The following DGKI variants were observed in gnomAD, a reference collection of about 807,000 sequenced individuals.
DGKI encodes diacylglycerol kinase iota, also known as DAG kinase iota.
DGKI carries 55 observed loss-of-function variants against 147.5 expected under a neutral mutation model. The observed-to-expected ratio is 0.37, with a 90% CI of 0.30 to 0.47. The LOEUF (loss-of-function observed/expected upper bound fraction) is 0.47, where lower values mean the gene tolerates loss of function less well. Among genes scored for constraint, DGKI ranks in the 20% least tolerant of loss-of-function variants. The pLI is 1.00. For synonymous variants in DGKI, 469 were observed against 477.1 expected, an observed-to-expected ratio of 0.98 and a Z score of 0.22; for missense variants, 1,007 against 1,323.8, an observed-to-expected ratio of 0.76 and a Z score of 3.71.
intron 1 of DGKI, among the ~76,000 whole-genome samples, chr7:137,705,860 T>C (rs1585391438): frequency 6.6e-6 from 1 of 152,170 alleles, no homozygotes; most frequent in East Asian, 1.9e-4. Context: ...TGAAATTAAA[T>C]ATGGAACATG....
In DGKI at chr7:137,638,555, T is replaced by C. The variant is rs1399807540; in HGVS notation, c.804+6917A>G. Among the ~76,000 whole-genome samples, 243 of 102,412 alleles carry C rather than the reference T, an allele frequency of 2.4e-3. 5 individuals are homozygous for C. Among genetic ancestry groups the C allele is most frequent in the African/African-American group, 7.3e-3 (176 of 24,164 alleles). The allele number at this position is 102,412 out of a possible 152,430, so 67.2% of individuals were successfully genotyped here. Reference sequence around the variant, plus strand: ...ACACATATATGTATATATATGTGTGTATATATATACACACATATATGTATA... The same window carrying C: ...ACACATATATGTATATATATGTGTGCATATATATACACACATATATGTATA... On this transcript the variant is annotated intron_variant, in intron 6 of 32. Coordinates refer to ENST00000614521, the MANE Select transcript of DGKI (RefSeq NM_001321708.2).
chr7:137,724,052 C>A (rs1437659171), intron 1 of DGKI, among the ~76,000 whole-genome samples: 2 of 145,702 alleles, frequency 1.4e-5, no homozygotes, highest in African/African-American at 5.6e-5. Flanking sequence ...TCTGAGCAGA[C>A]CCCTACATTA....
chr7:137,672,341 T>A (rs1276332947), intron 3 of DGKI, among the ~76,000 whole-genome samples: 1 of 152,212 alleles, frequency 6.6e-6, no homozygotes, highest in Non-Finnish European at 1.5e-5. Flanking sequence ...CTCTTCTTTA[T>A]CTTTAGGTAG....
At chr7:137,828,236 A>G (rs1745818446) in intron 1 of DGKI, among the ~76,000 whole-genome samples, 1 of 152,250 alleles carries the variant, frequency 6.6e-6, no homozygotes, top group African/African-American at 2.4e-5. Context: ...GTTATAAGCA[A>G]CTTGAAACAA....
At chr7:137,573,508 G>A (rs1466492225) in intron 17 of DGKI, among the ~76,000 whole-genome samples, 3 of 152,126 alleles carry the variant, frequency 2.0e-5, no homozygotes, top group South Asian at 2.1e-4. Flanking sequence ...AGGTTCAAGC[G>A]ATTCTCCTGC....
chr7:137,778,755 C>T (rs968410565), intron 1 of DGKI, among the ~76,000 whole-genome samples: 3 of 152,132 alleles, frequency 2.0e-5, no homozygotes, highest in African/African-American at 7.2e-5. Context: ...GCTGGGGTTG[C>T]AGAAAGCCTC....
intron 1 of DGKI, among the ~76,000 whole-genome samples, chr7:137,691,231 C>T (rs1411082365): frequency 6.6e-6 from 1 of 152,160 alleles, no homozygotes; most frequent in African/African-American, 2.4e-5. Context: ...GCTGGGACCA[C>T]AACTTTCCAA....
intron 28 of DGKI, among the ~76,000 whole-genome samples, chr7:137,435,893 C>T (rs543135020): frequency 6.6e-6 from 1 of 152,276 alleles, no homozygotes; most frequent in African/African-American, 2.4e-5. Context: ...GCTTCTCTTC[C>T]CTCAGCCTTC....
chr7:137,835,029 T>C (rs1255011569), intron 1 of DGKI, among the ~76,000 whole-genome samples: 5 of 152,248 alleles, frequency 3.3e-5, no homozygotes, highest in South Asian at 2.1e-4. Flanking sequence ...CCGTATTTTC[T>C]ATCTTCATTT....
chr7:137,500,330 G>A (rs1004116473), intron 21 of DGKI, among the ~76,000 whole-genome samples: 4 of 152,076 alleles, frequency 2.6e-5, no homozygotes, highest in African/African-American at 7.2e-5. Flanking sequence ...TACATTTTAC[G>A]TGTGCATGCT....
chr7:137,485,559 G>T, intron 22 of DGKI, 141 bp from the exon 23 acceptor site: 2 of 664,126 alleles, frequency 3.0e-6, no homozygotes, highest in Non-Finnish European at 2.6e-6. Flanking sequence ...ATTCATAAAG[G>T]TTAAATAAAG....
At chr7:137,793,436 GATCAC>G (rs1044550996) in intron 1 of DGKI, among the ~76,000 whole-genome samples, 4 of 152,056 alleles carry the variant, frequency 2.6e-5, no homozygotes, top group African/African-American at 9.7e-5. Context: ...GAGTAGCTGG[GATCAC>G]AGGCACACAC....
At chr7:137,584,922 A>G (rs1819332406) in intron 14 of DGKI, among the ~76,000 whole-genome samples, 1 of 152,212 alleles carries the variant, frequency 6.6e-6, no homozygotes, top group Non-Finnish European at 1.5e-5. Flanking sequence ...TGCTATTAAC[A>G]TGAATGATTA....
intron 12 of DGKI, among the ~76,000 whole-genome samples, chr7:137,590,684 G>T (rs706561): frequency 6.6e-6 from 1 of 151,970 alleles, no homozygotes; most frequent in African/African-American, 2.4e-5. Context: ...TCTATGAATC[G>T]ATGCTGTGTT....
At chr7:137,783,564 A>G (rs1253050106) in intron 1 of DGKI, among the ~76,000 whole-genome samples, 1 of 152,280 alleles carries the variant, frequency 6.6e-6, no homozygotes, top group Non-Finnish European at 1.5e-5. Flanking sequence ...TGAGGGAATA[A>G]TGGAGGAAAA....
At chr7:137,550,827 C>A (rs533613178) in intron 20 of DGKI, among the ~76,000 whole-genome samples, 33 of 152,232 alleles carry the variant, frequency 2.2e-4, no homozygotes, top group African/African-American at 7.9e-4. Context: ...ACAAGTGACC[C>A]AACAACATAG....
intron 1 of DGKI, among the ~76,000 whole-genome samples, chr7:137,768,610 C>T (rs1291590359): frequency 6.6e-6 from 1 of 152,100 alleles, no homozygotes; most frequent in Non-Finnish European, 1.5e-5. Context: ...GGAGGCAACC[C>T]GACTGCATGC....
Position 137,572,784 on chromosome 7 carries a change from C to T in DGKI, c.1816G>A (p.Val606Ile). ...KIQELKFQCI[V>I]FLNIPRYCAG... is the part of the protein sequence containing the mutation. ...GCCTACCTGGGTATATTTAAAAATA[C>T]TATACACTGGAACTTCAGTTCCTGA... The change falls in exon 18 of 33, where the codon GTA becomes ATA. Residue 606 changes from valine (V) to isoleucine (I), a missense_variant. Coordinates refer to ENST00000614521, the MANE Select transcript of DGKI (RefSeq NM_001321708.2). 1 of 1,610,206 alleles carries T rather than the reference C, an allele frequency of 6.2e-7. No individual in the cohort carries two copies. Among genetic ancestry groups the T allele is most frequent in the Non-Finnish European group, 8.5e-7 (1 of 1,177,944 alleles).
intron 10 of DGKI, among the ~76,000 whole-genome samples, chr7:137,605,435 T>C (rs1820152997): frequency 6.6e-6 from 1 of 151,626 alleles, no homozygotes. Context: ...AATAAAATAA[T>C]AGCAGCAGTG....
Sources: allele counts gnomAD v4.1 joint callset (sites outside exome capture counted in the v4.1 genomes callset), GRCh38; gene constraint gnomAD v4.1.1; transcripts MANE v1.5; gene names NCBI Gene and HGNC (gene_info 2026-07-23, HGNC 2026-07-21).